DYDC1: variants seen among roughly 807,000 people sequenced by gnomAD.
The protein encoded by DYDC1 is DPY30 domain containing 1.
DYDC1 carries 21 observed loss-of-function variants against 27.9 expected under a neutral mutation model. That is an observed-to-expected ratio of 0.75 (90% confidence interval 0.53 to 1.08). The LOEUF (loss-of-function observed/expected upper bound fraction) is 1.08. Among genes scored for constraint, DYDC1 ranks in the 50% least tolerant of loss-of-function variants. The probability of loss-of-function intolerance (pLI) is 0.00; values close to 1 mark genes in which losing one functional copy is unlikely to be tolerated. For synonymous variants in DYDC1, 67 were observed against 65.8 expected (o/e 1.02, Z -0.09); for missense variants, 202 against 205.9 (o/e 0.98, Z 0.12).
intron 1 of DYDC1, chr10:80,356,449 G>C: frequency 8.1e-6 from 8 of 985,374 alleles, no homozygotes; most frequent in Non-Finnish European, 9.6e-6. Context: ...CAACCTCCCG[G>C]GGCGCTCAGT....
chr10:80,352,028 C>T, intron 2 of DYDC1, 26 bp from the exon 3 acceptor site: 2 of 1,606,154 alleles, frequency 1.2e-6, no homozygotes, highest in Non-Finnish European at 1.7e-6. Context: ...AACAACAGCA[C>T]ACGACTTCTT....
chr10:80,337,942 G>A (rs1842187352), intron 6 of DYDC1: 1 of 369,104 alleles, frequency 2.7e-6, no homozygotes, highest in African/African-American at 2.2e-5. Context: ...CACTAACCAT[G>A]ACTATTAAAT....
Position 80,346,719 on chromosome 10 carries a change from C to T in DYDC1, c.250-4358G>A, listed in dbSNP as rs530091975. ...TTGTGATCTGCCCGCCTCAGCCTCC[C>T]GAAGTGCTGGGATTACAGGTGTGAG... On this transcript the variant is annotated intron_variant, in intron 3 of 6. Coordinates refer to ENST00000372202, the MANE Select transcript of DYDC1 (RefSeq NM_001269053.2). 1.2e-4 allele frequency among the ~76,000 whole-genome samples: 18 copies of T among 151,788 alleles called. No homozygotes were observed. The South Asian group carries it at 3.3e-3, about 28-fold the overall frequency.
At chr10:80,355,677 C>A (rs1438588259) in intron 1 of DYDC1, among the ~76,000 whole-genome samples, 1 of 152,038 alleles carries the variant, frequency 6.6e-6, no homozygotes, top group Non-Finnish European at 1.5e-5. Flanking sequence ...CTCTAAGACA[C>A]AGAATAAAGA....
Position 80,338,423 on chromosome 10 carries a change from CA to C in DYDC1, c.504+43del, listed in dbSNP as rs766353248. On this transcript the variant is annotated intron_variant, in intron 6 of 6. Transcript: ENST00000372202. ...TTACCTAAGTAAAAAAAATCAAAAA[CA>C]AAAACAAAAACGAGTTTTTTCACAA... is the stretch of plus-strand genomic sequence containing the variant. The C allele has an allele frequency of 1.0e-5, 16 of 1,605,590 alleles. No homozygotes were observed. In the South Asian group the frequency reaches 1.7e-4, roughly 17 times the overall value.
chr10:80,356,147 A>G, intron 1 of DYDC1: 1 of 703,438 alleles, frequency 1.4e-6, no homozygotes, highest in Non-Finnish European at 1.7e-6. Flanking sequence ...TGGGCATATC[A>G]GTGGGACCCA....
chr10:80,356,286 C>T (rs866645697), intron 1 of DYDC1: 22 of 985,502 alleles, frequency 2.2e-5, no homozygotes, highest in Non-Finnish European at 2.7e-5. Context: ...TAAGAAAGCC[C>T]TTTCCCACAG....
At chr10:80,341,442 CAAAAAAAAAAAA>C (rs58419721) in intron 4 of DYDC1, among the ~76,000 whole-genome samples, 14 of 46,790 alleles carry the variant, frequency 3.0e-4, no homozygotes, top group Admixed American at 1.1e-3. Context: ...GACTCTGTCT[CAAAAAAAAAAAA>C]AAAAAAAAAA....
intron 1 of DYDC1, among the ~76,000 whole-genome samples, chr10:80,353,276 C>T (rs1303194215): frequency 6.6e-6 from 1 of 151,964 alleles, no homozygotes; most frequent in Non-Finnish European, 1.5e-5. Context: ...GACATCATCT[C>T]TCCTGGCCCC....
intron 6 of DYDC1, among the ~76,000 whole-genome samples, chr10:80,336,698 C>T (rs1033912701): frequency 1.3e-4 from 20 of 152,280 alleles, no homozygotes; most frequent in Admixed American, 1.3e-3. Context: ...AAACCTGCTT[C>T]CTCTTATGTT....
rs527855690 is a variant in DYDC1, at chr10:80,356,190, T to C, written c.-10+522A>G. The C allele has an allele frequency of 1.6e-5, 15 of 951,786 alleles. No individual in the cohort carries two copies. The South Asian group carries it at 6.8e-4, about 43-fold the overall frequency. The allele number at this position is 951,786 out of a possible 1,614,324, so 59.0% of individuals were successfully genotyped here. Reference sequence around the variant, plus strand: ...CCTGCCAACTCCCTTAGCATGTTCCTGTCTGTGAAACGAGGATAATACCCA... The same window carrying C: ...CCTGCCAACTCCCTTAGCATGTTCCCGTCTGTGAAACGAGGATAATACCCA... On this transcript the variant is annotated intron_variant, in intron 1 of 6. Coordinates refer to ENST00000372202, the MANE Select transcript of DYDC1 (RefSeq NM_001269053.2).
intron 3 of DYDC1, among the ~76,000 whole-genome samples, chr10:80,342,980 C>CAAAAAAAAAAAAAAAAAA (rs55665661): frequency 8.5e-5 from 8 of 93,890 alleles, no homozygotes; most frequent in East Asian, 2.9e-4. Context: ...GACTCCCTCT[C>CAAAAAAAAAAAAAAAAAA]AAAAAAAAAA....
rs1359541431 is a variant in DYDC1 at position 80,351,894 on chromosome 10, G to A, written c.249+7C>T. 6.2e-7 allele frequency: 1 copy of A among 1,613,640 alleles called. No homozygotes were observed. The highest frequency in any genetic ancestry group is 1.7e-5 in the Admixed American group (1 of 60,014). On this transcript the variant is annotated splice_region_variant and intron_variant, in intron 3 of 6. Coordinates refer to ENST00000372202, the MANE Select transcript of DYDC1 (RefSeq NM_001269053.2). ...CAGTCCCCTCTGAACTCTCCTACTT[G>A]CCTCACCTGCTGAAGTAAGAGCTCC...
chr10:80,355,986 TAA>T (rs370903702), intron 1 of DYDC1, among the ~76,000 whole-genome samples: 92 of 118,820 alleles, frequency 7.7e-4, no homozygotes, highest in Middle Eastern at 4.1e-3. Flanking sequence ...GAAGTGAAGT[TAA>T]AAAAAAAAAA....
At chr10:80,343,578 C>A (rs868858551) in intron 3 of DYDC1, among the ~76,000 whole-genome samples, 1 of 151,878 alleles carries the variant, frequency 6.6e-6, no homozygotes, top group Non-Finnish European at 1.5e-5. Flanking sequence ...TCAAGACCAG[C>A]CTGGGCAGCA....
At chr10:80,353,647 C>T (rs1319350759) in intron 1 of DYDC1, among the ~76,000 whole-genome samples, 6 of 150,458 alleles carry the variant, frequency 4.0e-5, no homozygotes, top group Non-Finnish European at 8.9e-5. Flanking sequence ...GTCAGGAGAT[C>T]GAGACCATCC....
At position 80,347,276 on chromosome 10, in the gene DYDC1, C is replaced by CTTTTTTTTTTTTTTTT. The variant is rs556362145; in HGVS notation, c.249+4609_249+4624dup. On this transcript the variant is annotated intron_variant, in intron 3 of 6. Transcript: ENST00000372202. The stretch of plus-strand genomic sequence containing the variant: ...CTTTGCCCATTTTTTAATTGGGATC[C>CTTTTTTTTTTTTTTTT]TTTTTTTTTTTTTTTTTTTTTTTTT... Among the ~76,000 whole-genome samples the CTTTTTTTTTTTTTTTT allele has an allele frequency of 1.0e-4, 9 of 90,114 alleles. 3 individuals are homozygous for CTTTTTTTTTTTTTTTT. Among genetic ancestry groups the CTTTTTTTTTTTTTTTT allele is most frequent in the South Asian group, 9.3e-4 (2 of 2,144 alleles). The allele number at this position is 90,114 out of a possible 152,430, so 59.1% of individuals were successfully genotyped here.
At chr10:80,340,950 GCTTTTATC>G (rs2132750592) in intron 4 of DYDC1, among the ~76,000 whole-genome samples, 1 of 152,146 alleles carries the variant, frequency 6.6e-6, no homozygotes, top group African/African-American at 2.4e-5. Context: ...TATGTATAGG[GCTTTTATC>G]CTTTTAAAAA....
intron 3 of DYDC1, among the ~76,000 whole-genome samples, chr10:80,349,937 C>T (rs529538514): frequency 4.9e-4 from 75 of 152,298 alleles, no homozygotes; most frequent in Admixed American, 1.9e-3. Flanking sequence ...CAAGGAATTT[C>T]AAGTCAGTGG....
Sources: allele counts gnomAD v4.1 joint callset (sites outside exome capture counted in the v4.1 genomes callset), GRCh38; gene constraint gnomAD v4.1.1; transcripts MANE v1.5; gene names NCBI Gene and HGNC (gene_info 2026-07-23, HGNC 2026-07-21).